Variants in ARHGAP6 observed in about 807,000 individuals in gnomAD.
The protein encoded by ARHGAP6 is rho GTPase-activating protein 6.
ARHGAP6 carries 16 observed loss-of-function variants against 55.7 expected under a neutral mutation model. That is an observed-to-expected ratio of 0.29 (90% CI 0.19 to 0.44). ARHGAP6 has a LOEUF of 0.44. Among genes scored for constraint, ARHGAP6 ranks in the 20% least tolerant of loss-of-function variants. The pLI, the probability that ARHGAP6 is intolerant of heterozygous loss-of-function variation, is 1.00. For missense variants in ARHGAP6, 698 were observed against 808.9 expected (o/e 0.86, Z 1.66); for synonymous variants, 382 against 360.9 (o/e 1.06, Z -0.66).
chrX:11,233,562 T>C (rs1035642474), intron 2 of ARHGAP6, among the ~76,000 whole-genome samples: 1 of 112,164 alleles, frequency 8.9e-6, no homozygotes, highest in African/African-American at 3.2e-5. Context: ...GGCTTGTTCA[T>C]AGGAGTTGAG....
chrX:11,212,385 T>A lies in ARHGAP6; in HGVS notation c.749-15389A>T, dbSNP rs1196576011. Among the ~76,000 whole-genome samples the A allele has an allele frequency of 2.7e-5, 3 of 112,466 alleles. No homozygotes were observed. The Admixed American group carries it at 2.8e-4, about 11-fold the overall frequency. ...TACAGAGAAAGGAGTTCCTTCTCAA[T>A]TGCCCCCAAAACTGCAGCTCCTGAT... On this transcript the variant is annotated intron_variant, in intron 2 of 12. Coordinates refer to ENST00000337414, the MANE Select transcript of ARHGAP6 (RefSeq NM_013427.3).
intron 1 of ARHGAP6, among the ~76,000 whole-genome samples, chrX:11,293,910 A>G (rs988813488): frequency 2.7e-5 from 3 of 112,380 alleles, no homozygotes; most frequent in Admixed American, 9.4e-5. Flanking sequence ...AGACAGCATT[A>G]TCACATGTAA....
chrX:11,171,126 C>T (rs1220649992), intron 8 of ARHGAP6, among the ~76,000 whole-genome samples: 1 of 110,320 alleles, frequency 9.1e-6, no homozygotes, highest in East Asian at 2.8e-4. Context: ...AAGGGGAGTA[C>T]GGGGTGAAGG....
intron 1 of ARHGAP6, among the ~76,000 whole-genome samples, chrX:11,264,298 T>C (rs1369833166): frequency 3.6e-5 from 4 of 111,793 alleles, no homozygotes; most frequent in African/African-American, 9.8e-5. Context: ...GAAGTGGTTA[T>C]CTGCAAATGG....
intron 1 of ARHGAP6, among the ~76,000 whole-genome samples, chrX:11,262,252 T>C (rs368088818): frequency 1.8e-5 from 2 of 111,523 alleles, no homozygotes; most frequent in Admixed American, 1.9e-4. Context: ...CTTGATTAAC[T>C]GGAGAACAAC....
intron 1 of ARHGAP6, among the ~76,000 whole-genome samples, chrX:11,350,118 C>G (rs1316496044): frequency 8.9e-6 from 1 of 111,860 alleles, no homozygotes; most frequent in East Asian, 2.8e-4. Flanking sequence ...AGTCACTTAA[C>G]CCCTCTGGGC....
chrX:11,243,280 T>C (rs1452937562), intron 2 of ARHGAP6, among the ~76,000 whole-genome samples: 1 of 111,314 alleles, frequency 9.0e-6, no homozygotes, highest in African/African-American at 3.3e-5. Flanking sequence ...TGTCAGTTGC[T>C]CATCCTCCAT....
chrX:11,344,678 C>CAAAA (rs34123570), intron 1 of ARHGAP6, among the ~76,000 whole-genome samples: 221 of 28,242 alleles, frequency 7.8e-3, no homozygotes, highest in Non-Finnish European at 8.1e-3. Flanking sequence ...AACTCCATCA[C>CAAAA]AAAAAAAAAA....
chrX:11,491,609 A>T (rs2050569354), intron 1 of ARHGAP6, among the ~76,000 whole-genome samples: 1 of 111,924 alleles, frequency 8.9e-6, no homozygotes, highest in South Asian at 3.7e-4. Context: ...AATCCAGTCT[A>T]TCATTGTTGG....
At chrX:11,365,613 A>C (rs1189543561) in intron 1 of ARHGAP6, among the ~76,000 whole-genome samples, 1 of 112,771 alleles carries the variant, frequency 8.9e-6, no homozygotes, top group Admixed American at 9.4e-5. Context: ...GCAGAACAAA[A>C]AGATAAAATT....
chrX:11,558,622 G>C (rs1386739151), intron 1 of ARHGAP6, among the ~76,000 whole-genome samples: 1 of 108,864 alleles, frequency 9.2e-6, no homozygotes, highest in East Asian at 2.9e-4. Flanking sequence ...CGGATCACGA[G>C]GTCAGGAGTT....
intron 1 of ARHGAP6, among the ~76,000 whole-genome samples, chrX:11,366,631 T>C (rs976317071): frequency 9.0e-6 from 1 of 111,624 alleles, no homozygotes; most frequent in Non-Finnish European, 1.9e-5. Flanking sequence ...AGAAAGCTAG[T>C]TAGCATCAAG....
intron 1 of ARHGAP6, among the ~76,000 whole-genome samples, chrX:11,543,423 G>A (rs2051180429): frequency 2.7e-5 from 3 of 112,671 alleles, no homozygotes; most frequent in East Asian, 2.8e-4. Flanking sequence ...ACAATTCAGA[G>A]GGGAGGAGCA....
intron 1 of ARHGAP6, among the ~76,000 whole-genome samples, chrX:11,633,970 A>C (rs1370883357): frequency 9.0e-6 from 1 of 111,529 alleles, no homozygotes; most frequent in African/African-American, 3.3e-5. Context: ...AAATAAGTTA[A>C]TATTTGTAAA....
intron 8 of ARHGAP6, among the ~76,000 whole-genome samples, chrX:11,170,574 G>T (rs1445806135): frequency 9.0e-6 from 1 of 111,607 alleles, no homozygotes; most frequent in Non-Finnish European, 1.9e-5. Context: ...ATGGAACAGG[G>T]GATGGGGGAT....
chrX:11,383,096 G>T (rs1360117186), intron 1 of ARHGAP6, among the ~76,000 whole-genome samples: 2 of 112,184 alleles, frequency 1.8e-5, no homozygotes, highest in Admixed American at 1.9e-4. Context: ...ACATCAATCA[G>T]ATTGGCATTT....
At chrX:11,348,992 T>C (rs941171163) in intron 1 of ARHGAP6, among the ~76,000 whole-genome samples, 1 of 110,213 alleles carries the variant, frequency 9.1e-6, no homozygotes, top group South Asian at 4.0e-4. Context: ...AAGCTTCTCT[T>C]ACTCTCAAAT....
chrX:11,208,571 A>G (rs1163558682), intron 2 of ARHGAP6, among the ~76,000 whole-genome samples: 1 of 112,442 alleles, frequency 8.9e-6, no homozygotes, highest in Non-Finnish European at 1.9e-5. Context: ...GCTCTTTGAC[A>G]GCCTTCCAGG....
intron 1 of ARHGAP6, among the ~76,000 whole-genome samples, chrX:11,470,461 A>G (rs1400562764): frequency 1.8e-5 from 2 of 112,380 alleles, no homozygotes; most frequent in African/African-American, 6.5e-5. Context: ...CAAACACTCC[A>G]TTTGCCTGAT....
Sources: allele counts gnomAD v4.1 joint callset (sites outside exome capture counted in the v4.1 genomes callset), GRCh38; gene constraint gnomAD v4.1.1; transcripts MANE v1.5; gene names NCBI Gene and HGNC (gene_info 2026-07-23, HGNC 2026-07-21).